Variants in UBLCP1 observed in about 807,000 individuals in gnomAD.
UBLCP1 encodes ubiquitin-like domain-containing CTD phosphatase 1.
UBLCP1 carries 28 observed loss-of-function variants against 42.4 expected under a neutral mutation model. The observed-to-expected ratio is 0.66, with a 90% CI of 0.49 to 0.90. The LOEUF (loss-of-function observed/expected upper bound fraction) is 0.90. Among genes scored for constraint, UBLCP1 ranks in the 40% least tolerant of loss-of-function variants. The pLI is 0.00. For missense variants in UBLCP1, 279 were observed against 374.5 expected (o/e 0.75, Z 2.10); for synonymous variants, 122 against 120.8 (o/e 1.01, Z -0.07).
intron 6 of UBLCP1, 59 bp from the exon 7 acceptor site, chr5:159,274,526 T>G: frequency 6.7e-7 from 1 of 1,494,360 alleles, no homozygotes; most frequent in Non-Finnish European, 9.2e-7. Context: ...TTATACAGAT[T>G]TTTTTTAAAG....
intron 6 of UBLCP1, 48 bp downstream of exon 6, chr5:159,272,169 A>C: frequency 6.9e-7 from 1 of 1,444,816 alleles, no homozygotes; most frequent in Non-Finnish European, 9.7e-7. Context: ...AGGTTGTTCC[A>C]TATATTATTG....
At chr5:159,263,747 C>T (rs1267270112) in intron 1 of UBLCP1, among the ~76,000 whole-genome samples, 1 of 152,246 alleles carries the variant, frequency 6.6e-6, no homozygotes, top group Non-Finnish European at 1.5e-5. Context: ...GACCCTGCAC[C>T]ACCTCGCAGT....
At chr5:159,280,540 C>T (rs929258844) in intron 9 of UBLCP1, among the ~76,000 whole-genome samples, 7 of 152,142 alleles carry the variant, frequency 4.6e-5, no homozygotes, top group Admixed American at 4.6e-4. Flanking sequence ...TGCACTCAAG[C>T]GATCCACCTA....
chr5:159,274,389 A>G, intron 6 of UBLCP1, 196 bp from the exon 7 acceptor site: 1 of 430,356 alleles, frequency 2.3e-6, no homozygotes, highest in Non-Finnish European at 4.2e-6. Context: ...TTTAAAATTT[A>G]TTCTGTCTTG....
chr5:159,276,025 A>G (rs1430652773), intron 8 of UBLCP1, among the ~76,000 whole-genome samples: 1 of 152,230 alleles, frequency 6.6e-6, no homozygotes, highest in Non-Finnish European at 1.5e-5. Context: ...TTACTCATCA[A>G]GTAACTACTC....
At chr5:159,276,625 A>G (rs118003697) in intron 8 of UBLCP1, among the ~76,000 whole-genome samples, 1 of 152,336 alleles carries the variant, frequency 6.6e-6, no homozygotes, top group East Asian at 1.9e-4. Flanking sequence ...ACTGCTACCC[A>G]TATAAGGGAC....
intron 1 of UBLCP1, among the ~76,000 whole-genome samples, chr5:159,268,589 T>C (rs1753425717): frequency 6.6e-6 from 1 of 152,172 alleles, no homozygotes; most frequent in African/African-American, 2.4e-5. Context: ...CCTGACCAAA[T>C]AGAACAGGAG....
Position 159,284,968 on chromosome 5 carries a change from G to A in UBLCP1, c.*37G>A, listed in dbSNP as rs145043122. ...ACTGGCAGTTATTGAAGATACTTAA[G>A]ATCCAAGAACTTCTTGCTTTTATGC... is the stretch of plus-strand genomic sequence containing the variant. On this transcript the variant is annotated 3_prime_UTR_variant, in exon 11 of 11. Transcript: ENST00000296786. The A allele has an allele frequency of 3.3e-5, 53 of 1,602,964 alleles. No individual in the cohort carries two copies. In the East Asian group the frequency reaches 1.2e-3, roughly 36 times the overall value.
chr5:159,275,016 A>C, intron 7 of UBLCP1, 132 bp from the exon 8 acceptor site: 1 of 721,878 alleles, frequency 1.4e-6, no homozygotes, highest in East Asian at 2.6e-5. Context: ...AATACTTCCT[A>C]GTTGTTTAGC....
intron 6 of UBLCP1, among the ~76,000 whole-genome samples, 182 bp downstream of exon 6, chr5:159,272,303 C>T (rs1326043560): frequency 2.0e-5 from 3 of 151,988 alleles, no homozygotes; most frequent in Non-Finnish European, 2.9e-5. Context: ...GGCCAAATAC[C>T]AGTGAGATAG....
At position 159,268,948 on chromosome 5, in the gene UBLCP1, A is replaced by G; in HGVS notation, c.33A>G (p.Gly11=). ...TCCCTATCATTGTAAAATGGGGTGG[A>G]CAGGAGTATTCAGTGACCACACTTT... MALPIIVKWG[G]QEYSVTTLSE... is the part of the protein sequence containing the mutation. Residue 11 remains glycine (G), a synonymous_variant, in exon 2 of 11, where the codon GGA becomes GGG. Coordinates refer to ENST00000296786, the MANE Select transcript of UBLCP1 (RefSeq NM_145049.5). The G allele has an allele frequency of 6.2e-7, 1 of 1,611,384 alleles. No individual in the cohort carries two copies. Among genetic ancestry groups the G allele is most frequent in the Non-Finnish European group, 8.5e-7 (1 of 1,178,994 alleles).
Position 159,270,426 on chromosome 5 carries a change from G to A in UBLCP1, c.313G>A (p.Val105Ile), listed in dbSNP as rs141085111. 2.5e-6 allele frequency: 4 copies of A among 1,613,336 alleles called. No homozygotes were observed. The highest frequency in any genetic ancestry group is 3.4e-6 in the Non-Finnish European group (4 of 1,179,592). ...VVNDFDIEDEVVEVENREENL... is the reference protein window; with the variant it reads ...VVNDFDIEDEIVEVENREENL... The stretch of plus-strand genomic sequence containing the variant: ...TAATGACTTTGATATTGAAGATGAA[G>A]TAGTTGAAGTAGAAAATAGGTAAGT... Residue 105 changes from valine (V) to isoleucine (I), a missense_variant, in exon 4 of 11, where the codon GTA (valine) becomes ATA (isoleucine). Val to Ile is a conservative substitution (Grantham distance 29). Coordinates refer to ENST00000296786, the MANE Select transcript of UBLCP1 (RefSeq NM_145049.5).
At chr5:159,275,922 A>T (rs920416847) in intron 8 of UBLCP1, among the ~76,000 whole-genome samples, 2 of 152,292 alleles carry the variant, frequency 1.3e-5, no homozygotes, top group African/African-American at 4.8e-5. Flanking sequence ...ACTGGTAATA[A>T]AAGCAGATGC....
At chr5:159,282,413 C>A (rs1360109953) in intron 9 of UBLCP1, among the ~76,000 whole-genome samples, 4 of 152,054 alleles carry the variant, frequency 2.6e-5, no homozygotes, top group South Asian at 2.1e-4. Flanking sequence ...GATTTATAGT[C>A]CTCTAGTCTT....
At chr5:159,272,402 T>C (rs1286922469) in intron 6 of UBLCP1, among the ~76,000 whole-genome samples, 1 of 151,896 alleles carries the variant, frequency 6.6e-6, no homozygotes, top group East Asian at 1.9e-4. Context: ...TTGAAGTTTT[T>C]CCTTCTGATT....
At chr5:159,270,482 T>G (rs1397347901) in intron 4 of UBLCP1, 37 bp downstream of exon 4, 5 of 1,606,256 alleles carry the variant, frequency 3.1e-6, no homozygotes, top group Non-Finnish European at 2.6e-6. Context: ...TCAGTTGTCA[T>G]GTGAGAACAA....
intron 9 of UBLCP1, 108 bp downstream of exon 9, chr5:159,278,462 T>C (rs753601705): frequency 2.0e-5 from 16 of 805,346 alleles, no homozygotes; most frequent in Non-Finnish European, 3.2e-5. Context: ...TACTGTATTC[T>C]TATGTCATAG....
intron 2 of UBLCP1, 104 bp from the exon 3 acceptor site, chr5:159,269,804 G>T: frequency 1.1e-6 from 1 of 871,806 alleles, no homozygotes. Flanking sequence ...AAAAATTGCT[G>T]TGACATCTGT....
chr5:159,283,150 A>G (rs758894957), intron 9 of UBLCP1, 62 bp from the exon 10 acceptor site: 20 of 1,511,390 alleles, frequency 1.3e-5, no homozygotes, highest in East Asian at 2.3e-5. Context: ...AAATGATAGT[A>G]TAGATTTGTT....
Sources: allele counts gnomAD v4.1 joint callset (sites outside exome capture counted in the v4.1 genomes callset), GRCh38; gene constraint gnomAD v4.1.1; transcripts MANE v1.5; gene names NCBI Gene and HGNC (gene_info 2026-07-23, HGNC 2026-07-21).